The following PRND variants were observed in gnomAD, a reference collection of about 807,000 sequenced individuals.
PRND encodes prion like protein doppel, also known as prion-like protein doppel.
For synonymous variants in PRND, 94 were observed against 93.2 expected, an observed-to-expected ratio of 1.01 and a Z score of -0.05; for missense variants, 227 against 223.3, an observed-to-expected ratio of 1.02 and a Z score of -0.11.
In PRND at chr20:4,724,082, A is replaced by C. The variant is rs1923188589; in HGVS notation, c.-11-459A>C. On this transcript the variant is annotated intron_variant, in intron 1 of 1. Coordinates refer to ENST00000305817, the MANE Select transcript of PRND (RefSeq NM_012409.4). This position sits in a 1 kb window ranked among gnomAD's most constrained non-coding sequence, Gnocchi z 4.8. ...TGTATATACGTGTATATATACATAT[A>C]TATGTGTATATATATACGTGTATAC... Among the ~76,000 whole-genome samples, 1 of 150,414 alleles carries C rather than the reference A, an allele frequency of 6.6e-6. No individual in the cohort carries two copies. Among genetic ancestry groups the C allele is most frequent in the African/African-American group, 2.5e-5 (1 of 40,356 alleles).
In PRND at chr20:4,726,211, A is replaced by AAAAAC; in HGVS notation, c.*1134_*1138dup. On this transcript the variant is annotated 3_prime_UTR_variant, in exon 2 of 2. Transcript: ENST00000305817. ...CCCTGAAACATTGCATGTATTTAAG[A>AAAAAC]AAAACAAAATGTTAGTGGCATATTT... 6.2e-6 allele frequency: 1 copy of AAAAAC among 162,106 alleles called. No individual in the cohort carries two copies. The allele number at this position is 162,106 out of a possible 1,614,324, so 10.0% of individuals were successfully genotyped here. A position where few individuals can be genotyped will look rare whatever the true frequency, so the allele number is the denominator to read the frequency against.
rs749729629 is a variant in PRND at position 4,724,818 on chromosome 20, C to T, written c.267C>T (p.Ile89=). Reference sequence around the variant, plus strand: ...ACTACTGGCAGTTCCCCGATGGCATCCACTACAACGGCTGCTCTGAGGCTA... The same window carrying T: ...ACTACTGGCAGTTCCCCGATGGCATTCACTACAACGGCTGCTCTGAGGCTA... ...EANYWQFPDG[I]HYNGCSEANV... Residue 89 remains isoleucine (I), a synonymous_variant, in exon 2 of 2, where the codon ATC becomes ATT. Transcript: ENST00000305817. This position sits in a 1 kb window ranked among gnomAD's most constrained non-coding sequence, Gnocchi z 4.8. 1.2e-6 allele frequency: 2 copies of T among 1,614,226 alleles called. No individual in the cohort carries two copies. The highest frequency in any genetic ancestry group is 1.1e-5 in the South Asian group (1 of 91,074).
rs1388348431 is a variant in PRND at position 4,726,207 on chromosome 20, T to C, written c.*1125T>C. The C allele has an allele frequency of 6.1e-6, 1 of 165,132 alleles. No individual in the cohort carries two copies. Among genetic ancestry groups the C allele is most frequent in the African/African-American group, 2.4e-5 (1 of 41,002 alleles). 10.2% of individuals were successfully genotyped at this position (165,132 alleles called of 1,614,324 possible). A position where few individuals can be genotyped will look rare whatever the true frequency, so the allele number is the denominator to read the frequency against. Reference sequence around the variant, plus strand: ...CCATCCCTGAAACATTGCATGTATTTAAGAAAAACAAAATGTTAGTGGCAT... The same window carrying C: ...CCATCCCTGAAACATTGCATGTATTCAAGAAAAACAAAATGTTAGTGGCAT... On this transcript the variant is annotated 3_prime_UTR_variant, in exon 2 of 2. Coordinates refer to ENST00000305817, the MANE Select transcript of PRND (RefSeq NM_012409.4).
At position 4,724,493 on chromosome 20, in the gene PRND, C is replaced by A; in HGVS notation, c.-11-48C>A. On this transcript the variant is annotated intron_variant, in intron 1 of 1. Transcript: ENST00000305817. This position sits in a 1 kb window ranked among gnomAD's most constrained non-coding sequence, Gnocchi z 4.8. ...CTGCACTTGGGAGGGGGCAGGGGAG[C>A]CCAGGCAGGCCTGGTGGGGAGCTGA... is the stretch of plus-strand genomic sequence containing the variant. 1.9e-6 allele frequency: 3 copies of A among 1,607,892 alleles called. No homozygotes were observed. The highest frequency in any genetic ancestry group is 8.5e-7 in the Non-Finnish European group (1 of 1,175,654).
Position 4,724,697 on chromosome 20 carries a change from C to T in PRND, c.146C>T (p.Ala49Val). The T allele has an allele frequency of 6.2e-7, 1 of 1,614,214 alleles. No individual in the cohort carries two copies. Among genetic ancestry groups the T allele is most frequent in the African/African-American group, 1.3e-5 (1 of 75,056 alleles). ...CCCAGCACTGCCCAGATCACTGAGG[C>T]CCAGGTGGCTGAGAACCGCCCGGGA... ...ALPSTAQITE[A>V]QVAENRPGAF... Residue 49 changes from alanine to valine, a missense_variant, in exon 2 of 2, where the codon GCC becomes GTC. Physicochemically the swap from Ala to Val is moderately conservative, Grantham distance 64. Transcript: ENST00000305817. The surrounding 1 kb of genome is among the most constrained non-coding windows in gnomAD (Gnocchi z 4.8).
chr20:4,724,879 A>C lies in PRND; in HGVS notation c.328A>C (p.Asn110His). ...GGAGGCATTTGTCACCGGCTGCATC[A>C]ATGCCACCCAGGCGGCGAACCAGGG... The part of the protein sequence containing the change: ...TKEAFVTGCI[N>H]ATQAANQGEF... The change falls in exon 2 of 2, where the codon AAT becomes CAT. Residue 110 changes from asparagine to histidine, a missense_variant. Physicochemically the swap from Asn to His is moderately conservative, Grantham distance 68. Transcript: ENST00000305817. This position sits in a 1 kb window ranked among gnomAD's most constrained non-coding sequence, Gnocchi z 4.8. 6.2e-7 allele frequency: 1 copy of C among 1,614,212 alleles called. No homozygotes were observed. The highest frequency in any genetic ancestry group is 8.5e-7 in the Non-Finnish European group (1 of 1,180,050).
intron 1 of PRND, among the ~76,000 whole-genome samples, chr20:4,722,393 A>C (rs1324748821): frequency 6.6e-6 from 1 of 151,966 alleles, no homozygotes; most frequent in Non-Finnish European, 1.5e-5. Flanking sequence ...TCTTTGGAGA[A>C]AGTCAGTCTG....
At position 4,724,986 on chromosome 20, in the gene PRND, C is replaced by G; in HGVS notation, c.435C>G (p.Cys145Trp). 6.2e-7 allele frequency: 1 copy of G among 1,613,802 alleles called. No individual in the cohort carries two copies. Among genetic ancestry groups the G allele is most frequent in the Non-Finnish European group, 8.5e-7 (1 of 1,179,928 alleles). The change falls in exon 2 of 2, where the codon TGC becomes TGG. Residue 145 changes from cysteine (C) to tryptophan (W), a missense_variant. Cys to Trp is a radical substitution (Grantham distance 215). Transcript: ENST00000305817. The surrounding 1 kb of genome is among the most constrained non-coding windows in gnomAD (Gnocchi z 4.8). The stretch of plus-strand genomic sequence containing the variant: ...AGGAGCTCTGCTCCCTCAAGCATTG[C>G]GAGTTTTGGTTGGAGAGGGGCGCAG... ...LVQELCSLKH[C>W]EFWLERGAGL...
Position 4,724,629 on chromosome 20 carries a change from G to A in PRND, c.78G>A (p.Thr26=), listed in dbSNP as rs751374177. The A allele has an allele frequency of 2.8e-5, 45 of 1,614,076 alleles. No homozygotes were observed. Among genetic ancestry groups the A allele is most frequent in the East Asian group, 4.5e-5 (2 of 44,900 alleles). The change falls in exon 2 of 2, where the codon ACG becomes ACA. Residue 26 remains threonine, a synonymous_variant. Coordinates refer to ENST00000305817, the MANE Select transcript of PRND (RefSeq NM_012409.4). This position sits in a 1 kb window ranked among gnomAD's most constrained non-coding sequence, Gnocchi z 4.8. ...TCAGCCACCTCTCTGCGGTCCAGAC[G>A]AGGGGCATCAAGCACAGAATCAAGT... is the stretch of plus-strand genomic sequence containing the variant. The part of the protein sequence containing the change: ...LLFSHLSAVQ[T]RGIKHRIKWN...
rs1923245445 is a variant in PRND, at chr20:4,725,811, G to A, written c.*729G>A. On this transcript the variant is annotated 3_prime_UTR_variant, in exon 2 of 2. Coordinates refer to ENST00000305817, the MANE Select transcript of PRND (RefSeq NM_012409.4). ...ATGTTATTGGAAGCTGATTCCCAGA[G>A]CAGACCACATATACAGCAGGATGTG... 1 of 166,352 alleles carries A rather than the reference G, an allele frequency of 6.0e-6. No individual in the cohort carries two copies. Among genetic ancestry groups the A allele is most frequent in the African/African-American group, 2.4e-5 (1 of 41,250 alleles). 10.3% of individuals were successfully genotyped at this position (166,352 alleles called of 1,614,324 possible).
Position 4,726,457 on chromosome 20 carries a change from A to G in PRND, c.*1375A>G, listed in dbSNP as rs1456608550. 6.0e-6 allele frequency: 1 copy of G among 167,098 alleles called. No individual in the cohort carries two copies. Among genetic ancestry groups the G allele is most frequent in the East Asian group, 1.9e-4 (1 of 5,204 alleles). 10.4% of individuals were successfully genotyped at this position (167,098 alleles called of 1,614,324 possible). A position where few individuals can be genotyped will look rare whatever the true frequency, so the allele number is the denominator to read the frequency against. ...AAAGCTGTGTCTTTAGGGAGACCCAATAAAGAATGCAATCCATGCCATAAG... is the reference window on the plus strand; with the variant it reads ...AAAGCTGTGTCTTTAGGGAGACCCAGTAAAGAATGCAATCCATGCCATAAG... On this transcript the variant is annotated 3_prime_UTR_variant, in exon 2 of 2. Coordinates refer to ENST00000305817, the MANE Select transcript of PRND (RefSeq NM_012409.4).
chr20:4,725,119 G>C lies in PRND; in HGVS notation c.*37G>C. On this transcript the variant is annotated 3_prime_UTR_variant, in exon 2 of 2. Coordinates refer to ENST00000305817, the MANE Select transcript of PRND (RefSeq NM_012409.4). ...GGCTGGCAGTACAGAGTGCAGCAGC[G>C]AGCAAATCCTGGCAAGTGACCCAGC... The C allele has an allele frequency of 1.3e-6, 2 of 1,594,218 alleles. No homozygotes were observed. Among genetic ancestry groups the C allele is most frequent in the Non-Finnish European group, 1.7e-6 (2 of 1,170,330 alleles).
Position 4,726,507 on chromosome 20 carries a change from AG to A in PRND, c.*1426del, listed in dbSNP as rs1923272888. The A allele has an allele frequency of 6.0e-6, 1 of 167,112 alleles. No individual in the cohort carries two copies. Among genetic ancestry groups the A allele is most frequent in the African/African-American group, 2.4e-5 (1 of 41,464 alleles). The allele number at this position is 167,112 out of a possible 1,614,324, so 10.4% of individuals were successfully genotyped here. A position where few individuals can be genotyped will look rare whatever the true frequency, so the allele number is the denominator to read the frequency against. ...GCAGGAGTTGATACACCACCTTATT[AG>A]CTAAAAATATATATAACACAATATG... On this transcript the variant is annotated 3_prime_UTR_variant, in exon 2 of 2. Transcript: ENST00000305817.
rs533474044 is a variant in PRND, at chr20:4,725,019, G to T, written c.468G>T (p.Arg156=). 1.1e-5 allele frequency: 17 copies of T among 1,613,520 alleles called. No individual in the cohort carries two copies. In the South Asian group the frequency reaches 1.8e-4, roughly 17 times the overall value. ...EFWLERGAGL[R]VTMHQPVLLC... is the part of the protein sequence containing the mutation. ...GGTTGGAGAGGGGCGCAGGACTTCG[G>T]GTCACCATGCACCAGCCAGTGCTCC... Residue 156 remains arginine (R), a synonymous_variant, in exon 2 of 2, where the codon CGG becomes CGT. Coordinates refer to ENST00000305817, the MANE Select transcript of PRND (RefSeq NM_012409.4).
chr20:4,726,453 C>G lies in PRND; in HGVS notation c.*1371C>G, dbSNP rs554217942. The G allele has an allele frequency of 6.0e-6, 1 of 166,962 alleles. No individual in the cohort carries two copies. Among genetic ancestry groups the G allele is most frequent in the East Asian group, 1.9e-4 (1 of 5,196 alleles). 10.3% of individuals were successfully genotyped at this position (166,962 alleles called of 1,614,324 possible). A position where few individuals can be genotyped will look rare whatever the true frequency, so the allele number is the denominator to read the frequency against. The stretch of plus-strand genomic sequence containing the variant: ...AAATAAAGCTGTGTCTTTAGGGAGA[C>G]CCAATAAAGAATGCAATCCATGCCA... On this transcript the variant is annotated 3_prime_UTR_variant, in exon 2 of 2. Coordinates refer to ENST00000305817, the MANE Select transcript of PRND (RefSeq NM_012409.4).
chr20:4,726,392 C>G lies in PRND; in HGVS notation c.*1310C>G, dbSNP rs900298028. 1 of 166,856 alleles carries G rather than the reference C, an allele frequency of 6.0e-6. No homozygotes were observed. Among genetic ancestry groups the G allele is most frequent in the Admixed American group, 6.5e-5 (1 of 15,278 alleles). 10.3% of individuals were successfully genotyped at this position (166,856 alleles called of 1,614,324 possible). A position where few individuals can be genotyped will look rare whatever the true frequency, so the allele number is the denominator to read the frequency against. On this transcript the variant is annotated 3_prime_UTR_variant, in exon 2 of 2. Coordinates refer to ENST00000305817, the MANE Select transcript of PRND (RefSeq NM_012409.4). ...CATCATCTCTGTAAACCACTTGTCA[C>G]TACAAAAATACAATTACTCACCAAA... is the stretch of plus-strand genomic sequence containing the variant.
rs1228701588 is a variant in PRND at position 4,727,574 on chromosome 20, T to G, written c.*2492T>G. 6.0e-6 allele frequency: 1 copy of G among 167,066 alleles called. No homozygotes were observed. Among genetic ancestry groups the G allele is most frequent in the Non-Finnish European group, 1.5e-5 (1 of 68,118 alleles). 10.3% of individuals were successfully genotyped at this position (167,066 alleles called of 1,614,324 possible). On this transcript the variant is annotated 3_prime_UTR_variant, in exon 2 of 2. Transcript: ENST00000305817. Reference sequence around the variant, plus strand: ...GTGTTGACTTTTTAAAATATAAGTTTATTGTAAAAGTGACATGAAAATTAC... The same window carrying G: ...GTGTTGACTTTTTAAAATATAAGTTGATTGTAAAAGTGACATGAAAATTAC...
intron 1 of PRND, among the ~76,000 whole-genome samples, 186 bp downstream of exon 1, chr20:4,722,155 A>T (rs1923122593): frequency 6.6e-6 from 1 of 152,128 alleles, no homozygotes; most frequent in Non-Finnish European, 1.5e-5. Flanking sequence ...GCTATAATAA[A>T]ATGCTACTTT....
chr20:4,724,700 A>T lies in PRND; in HGVS notation c.149A>T (p.Gln50Leu). 1.2e-6 allele frequency: 2 copies of T among 1,614,244 alleles called. No individual in the cohort carries two copies. The highest frequency in any genetic ancestry group is 4.5e-5 in the East Asian group (2 of 44,880). ...LPSTAQITEA[Q>L]VAENRPGAFI... is the part of the protein sequence containing the mutation. ...AGCACTGCCCAGATCACTGAGGCCC[A>T]GGTGGCTGAGAACCGCCCGGGAGCC... Residue 50 changes from glutamine to leucine, a missense_variant, in exon 2 of 2, where the codon CAG (glutamine) becomes CTG (leucine). Gln to Leu is a moderately radical substitution (Grantham distance 113). Coordinates refer to ENST00000305817, the MANE Select transcript of PRND (RefSeq NM_012409.4). The surrounding 1 kb of genome is among the most constrained non-coding windows in gnomAD (Gnocchi z 4.8).
Sources: gnomAD v4.1 joint callset for allele counts (sites outside exome capture counted in the v4.1 genomes callset) on GRCh38, gnomAD v4.1.1 for gene constraint, Gnocchi (gnomAD v3.1) non-coding constraint, MANE v1.5 for transcripts, NCBI Gene and HGNC (gene_info 2026-07-23, HGNC 2026-07-21) for gene names.